Variants in PCDHGA6 observed in about 807,000 individuals in gnomAD.
PCDHGA6 encodes protocadherin gamma subfamily A, 6.
Under a neutral mutation model 60.6 loss-of-function variants are expected in PCDHGA6, and 41 were observed. The ratio of observed to expected loss-of-function variants is 0.68; its 90% CI spans 0.53 to 0.88. PCDHGA6 has a LOEUF of 0.88. PCDHGA6 is among the 40% of genes least tolerant of loss of function. The pLI, the probability that PCDHGA6 is intolerant of heterozygous loss-of-function variation, is 0.00. For missense variants in PCDHGA6, 1,312 were observed against 1,203.0 expected (o/e 1.09, Z -1.34); for synonymous variants, 594 against 524.4 (o/e 1.13, Z -1.81).
chr5:141,383,492 G>C (rs1012277194), intron 1 of PCDHGA6: 3 of 1,613,178 alleles, frequency 1.9e-6, no homozygotes, highest in Non-Finnish European at 2.5e-6. Flanking sequence ...GTGCTGGAGC[G>C]GGTGCTGGAC....
chr5:141,394,481 T>C lies in PCDHGA6; in HGVS notation c.2424+17974T>C, dbSNP rs766569646. The C allele has an allele frequency of 4.3e-6, 7 of 1,614,088 alleles. No individual in the cohort carries two copies. The East Asian group carries it at 6.7e-5, about 15-fold the overall frequency. ...TGAGCCTGTTCGTGCTGGACCAGAATGACAACGCGCCCGAGATCCTGTACC... is the reference window on the plus strand; with the variant it reads ...TGAGCCTGTTCGTGCTGGACCAGAACGACAACGCGCCCGAGATCCTGTACC... On this transcript the variant is annotated intron_variant, in intron 1 of 3. Transcript: ENST00000517434.
chr5:141,421,254 C>T, intron 1 of PCDHGA6: 1 of 1,607,460 alleles, frequency 6.2e-7, no homozygotes, highest in East Asian at 2.2e-5. Flanking sequence ...AGCGCGGGGA[C>T]CGCAGTCGGC....
intron 1 of PCDHGA6, chr5:141,409,128 T>C (rs755394129): frequency 6.2e-6 from 10 of 1,613,976 alleles, no homozygotes; most frequent in South Asian, 1.1e-5. Flanking sequence ...TCATTTGATT[T>C]TGAAGATGTA....
At chr5:141,427,361 A>C in intron 1 of PCDHGA6, 1 of 457,772 alleles carries the variant, frequency 2.2e-6, no homozygotes, top group Non-Finnish European at 4.4e-6. Flanking sequence ...AGGACGCAGA[A>C]CCCTGGACGG....
chr5:141,509,199 GTC>G (rs1017134758), intron 3 of PCDHGA6, among the ~76,000 whole-genome samples: 1 of 152,070 alleles, frequency 6.6e-6, no homozygotes, highest in Non-Finnish European at 1.5e-5. Context: ...AATATTTCCT[GTC>G]TCTCTATTTC....
intron 1 of PCDHGA6, among the ~76,000 whole-genome samples, chr5:141,458,909 T>G (rs548847649): frequency 6.6e-6 from 1 of 152,192 alleles, no homozygotes; most frequent in African/African-American, 2.4e-5. Context: ...TTTTTTCTAT[T>G]TTTTGTGGAG....
chr5:141,393,853 T>A, intron 1 of PCDHGA6: 1 of 1,613,992 alleles, frequency 6.2e-7, no homozygotes, highest in Admixed American at 1.7e-5. Context: ...AGACCAGAAG[T>A]GATCATTACG....
At chr5:141,426,517 A>G (rs893782433) in intron 1 of PCDHGA6, 5 of 343,020 alleles carry the variant, frequency 1.5e-5, no homozygotes, top group African/African-American at 2.1e-5. Context: ...CTTTACCGTG[A>G]ACACGGAGAA....
intron 1 of PCDHGA6, chr5:141,393,872 T>G (rs774307056): frequency 1.2e-6 from 2 of 1,613,898 alleles, no homozygotes; most frequent in Admixed American, 3.3e-5. Flanking sequence ...CGTCTTTGTT[T>G]AGCCCAGTGT....
At chr5:141,422,229 G>C in intron 1 of PCDHGA6, 4 of 1,565,880 alleles carry the variant, frequency 2.6e-6, no homozygotes, top group Non-Finnish European at 3.4e-6. Flanking sequence ...CCACGACGAT[G>C]TTGATCACTG....
intron 1 of PCDHGA6, chr5:141,419,682 T>C (rs758536078): frequency 6.2e-7 from 1 of 1,612,950 alleles, no homozygotes; most frequent in Non-Finnish European, 8.5e-7. Flanking sequence ...TCCTACCACG[T>C]GGTGCAGGCC....
At chr5:141,497,878 C>T (rs553853040) in intron 2 of PCDHGA6, among the ~76,000 whole-genome samples, 32 of 152,256 alleles carry the variant, frequency 2.1e-4, no homozygotes, top group Non-Finnish European at 3.5e-4. Flanking sequence ...GTGAAATAAG[C>T]GTTAGGATCT....
At chr5:141,447,656 C>T (rs1352103605) in intron 1 of PCDHGA6, among the ~76,000 whole-genome samples, 1 of 152,056 alleles carries the variant, frequency 6.6e-6, no homozygotes, top group Non-Finnish European at 1.5e-5. Flanking sequence ...ATTTTCCCCC[C>T]CAGGAAGTTA....
rs752412467 is a variant in PCDHGA6 at position 141,405,390 on chromosome 5, TTTTC to T, written c.2424+28895_2424+28898del. On this transcript the variant is annotated intron_variant, in intron 1 of 3. Transcript: ENST00000517434. ...CCTTTGGTTCCGGTGAGTTCATTTTTTTTCTTTCTTTCTTTTCTTTTTTTGTTTT... is the reference window on the plus strand; with the variant it reads ...CCTTTGGTTCCGGTGAGTTCATTTTTTTTCTTTCTTTTCTTTTTTTGTTTT... 1.6e-5 allele frequency: 26 copies of T among 1,600,118 alleles called. No homozygotes were observed. The East Asian group carries it at 1.8e-4, about 11-fold the overall frequency.
intron 1 of PCDHGA6, among the ~76,000 whole-genome samples, chr5:141,464,251 C>T (rs1438610569): frequency 1.4e-5 from 2 of 141,396 alleles, no homozygotes; most frequent in Admixed American, 7.5e-5. Flanking sequence ...GGCTACAGAG[C>T]GAGACTCCGT....
chr5:141,376,047 C>G lies in PCDHGA6; in HGVS notation c.1964C>G (p.Ser655Cys), dbSNP rs778307171. The stretch of plus-strand genomic sequence containing the variant: ...CAGGACCACGGCCAGCCCCCTCTCT[C>G]CGCCACTGTCACGCTCACCGTGGCC... ...AVQDHGQPPL[S>C]ATVTLTVAVA... The change falls in exon 1 of 4, where the codon TCC becomes TGC. Residue 655 changes from serine to cysteine, a missense_variant. By Grantham distance (112) the Ser-to-Cys change is moderately radical. Coordinates refer to ENST00000517434, the MANE Select transcript of PCDHGA6 (RefSeq NM_018919.3). The G allele has an allele frequency of 1.2e-6, 2 of 1,613,296 alleles. No homozygotes were observed. Among genetic ancestry groups the G allele is most frequent in the South Asian group, 2.2e-5 (2 of 91,060 alleles).
chr5:141,404,902 C>T, intron 1 of PCDHGA6: 1 of 1,613,856 alleles, frequency 6.2e-7, no homozygotes, highest in Non-Finnish European at 8.5e-7. Context: ...AGGACCATGG[C>T]CAGCCCCCTC....
At chr5:141,507,862 G>A (rs17286954) in intron 3 of PCDHGA6, among the ~76,000 whole-genome samples, 4 of 152,076 alleles carry the variant, frequency 2.6e-5, no homozygotes, top group African/African-American at 7.2e-5. Flanking sequence ...TTTCACACCC[G>A]CTTCCTAGCC....
At chr5:141,458,090 G>C (rs1306631184) in intron 1 of PCDHGA6, among the ~76,000 whole-genome samples, 2 of 152,234 alleles carry the variant, frequency 1.3e-5, no homozygotes, top group Non-Finnish European at 1.5e-5. Context: ...CGTAAGTTAA[G>C]AGTACTTACA....
Sources: allele counts gnomAD v4.1 joint callset (sites outside exome capture counted in the v4.1 genomes callset), GRCh38; gene constraint gnomAD v4.1.1; transcripts MANE v1.5; gene names NCBI Gene and HGNC (gene_info 2026-07-23, HGNC 2026-07-21).